The following TRMT11 variants were observed in gnomAD, a reference collection of about 807,000 sequenced individuals.
TRMT11 encodes the protein tRNA (guanine(10)-N(2))-methyltransferase TRMT11.
In TRMT11, 53 loss-of-function variants were observed where a neutral mutation model predicts 62.8. The observed-to-expected ratio is 0.84, with a 90% CI of 0.68 to 1.06. TRMT11 has a LOEUF of 1.06. TRMT11 is among the 50% of genes least tolerant of loss of function. The pLI, the probability that TRMT11 is intolerant of heterozygous loss-of-function variation, is 0.00. For synonymous variants in TRMT11, 188 were observed against 190.3 expected (o/e 0.99, Z 0.10); for missense variants, 556 against 553.4 (o/e 1.00, Z -0.05).
intron 17 of TRMT11, among the ~76,000 whole-genome samples, chr6:126,082,368 T>C (rs1200376717): frequency 3.3e-5 from 5 of 150,288 alleles, no homozygotes; most frequent in African/African-American, 9.9e-5. Context: ...AATACTAATA[T>C]TATATATTAC....
chr6:126,178,391 T>C (rs572544396), intron 1 of TRMT11, among the ~76,000 whole-genome samples: 12 of 152,190 alleles, frequency 7.9e-5, no homozygotes, highest in Non-Finnish European at 1.6e-4. Flanking sequence ...GCCTTGCAGC[T>C]TGCCTTCTTT....
In TRMT11 at chr6:126,077,182, A is replaced by G. The variant is rs536199467; in HGVS notation, c.*1437+23992A>G. On this transcript the variant is annotated intron_variant and NMD_transcript_variant, in intron 17 of 22. Coordinates refer to the TRMT11 transcript ENST00000648977. ...ATTGCAACCTCAGTCCCTAAATCACATGACATTTGTTTACTTTCTTTCCAA... is the reference window on the plus strand; with the variant it reads ...ATTGCAACCTCAGTCCCTAAATCACGTGACATTTGTTTACTTTCTTTCCAA... Among the ~76,000 whole-genome samples, 5 of 152,302 alleles carry G rather than the reference A, an allele frequency of 3.3e-5. No individual in the cohort carries two copies. In the South Asian group the frequency reaches 8.3e-4, roughly 25 times the overall value.
chr6:126,215,752 T>C, the TRMT11 span, among the ~76,000 whole-genome samples: 1 of 152,048 alleles, frequency 6.6e-6, no homozygotes, highest in Admixed American at 6.6e-5. Context: ...GTTGCATTTT[T>C]TTTTGATTTG....
At chr6:126,051,826 T>G (rs546828678) in intron 16 of TRMT11, among the ~76,000 whole-genome samples, 28 of 152,274 alleles carry the variant, frequency 1.8e-4, no homozygotes, top group African/African-American at 6.7e-4. Context: ...AAGAACTGCA[T>G]AGCAGGCTTT....
chr6:126,174,682 CAATTAAGGTT>C, upstream of TRMT11, among the ~76,000 whole-genome samples: 1 of 152,324 alleles, frequency 6.6e-6, no homozygotes, highest in Non-Finnish European at 1.5e-5. Flanking sequence ...CAAAATTCTT[CAATTAAGGTT>C]ATATCTAGTT....
the TRMT11 span, among the ~76,000 whole-genome samples, chr6:126,222,242 G>A: frequency 9.7e-4 from 148 of 152,258 alleles, 1 homozygote; most frequent in Non-Finnish European, 1.6e-3. Context: ...GTTAGGTAAC[G>A]TGATGCCTCC....
chr6:126,143,453 T>C (rs914420276), intron 21 of TRMT11, among the ~76,000 whole-genome samples: 1 of 152,168 alleles, frequency 6.6e-6, no homozygotes, highest in African/African-American at 2.4e-5. Flanking sequence ...CTAATACTTA[T>C]CTAAAAGAAA....
At chr6:126,004,862 A>G (rs1010436549) in intron 7 of TRMT11, among the ~76,000 whole-genome samples, 4 of 152,064 alleles carry the variant, frequency 2.6e-5, no homozygotes, top group Non-Finnish European at 4.4e-5. Context: ...TCATGCCTAA[A>G]TACTTTTCCT....
the TRMT11 span, among the ~76,000 whole-genome samples, chr6:126,240,131 T>A: frequency 6.6e-6 from 1 of 152,320 alleles, no homozygotes; most frequent in East Asian, 1.9e-4. Flanking sequence ...TCAAGGTTTT[T>A]AACTTCTTTG....
At chr6:126,061,540 AT>A (rs5879799) in intron 17 of TRMT11, among the ~76,000 whole-genome samples, 73,643 of 135,422 alleles carry the variant, frequency 0.54, 20,436 homozygotes, top group East Asian at 0.89. Flanking sequence ...GGATCAGTCA[AT>A]TTTTTTTTTT....
intron 1 of TRMT11, among the ~76,000 whole-genome samples, chr6:126,190,943 T>C (rs1373128880): frequency 6.6e-6 from 1 of 152,174 alleles, no homozygotes; most frequent in Non-Finnish European, 1.5e-5. Flanking sequence ...ATTTCCTTTC[T>C]TTTGAATATA....
At chr6:126,106,253 C>T (rs552668009) in intron 17 of TRMT11, among the ~76,000 whole-genome samples, 2 of 152,002 alleles carry the variant, frequency 1.3e-5, no homozygotes, top group African/African-American at 4.8e-5. Flanking sequence ...AAGTGATTCT[C>T]CTGCCTCAGC....
intron 21 of TRMT11, among the ~76,000 whole-genome samples, chr6:126,165,107 T>C (rs1000466588): frequency 6.6e-6 from 1 of 152,012 alleles, no homozygotes; most frequent in African/African-American, 2.4e-5. Context: ...TGAAACCCCG[T>C]CTCTACTAAA....
At chr6:126,223,562 C>T in the TRMT11 span, among the ~76,000 whole-genome samples, 1 of 152,212 alleles carries the variant, frequency 6.6e-6, no homozygotes, top group African/African-American at 2.4e-5. Context: ...TTGTAGGTGA[C>T]CTGTCTTTCT....
chr6:126,094,659 T>G (rs1024686507), intron 17 of TRMT11, among the ~76,000 whole-genome samples: 1 of 152,232 alleles, frequency 6.6e-6, no homozygotes, highest in Non-Finnish European at 1.5e-5. Context: ...AGGCCTGGCC[T>G]GAGTTTGAAT....
chr6:126,230,382 C>G, the TRMT11 span, among the ~76,000 whole-genome samples: 1 of 152,176 alleles, frequency 6.6e-6, no homozygotes, highest in Non-Finnish European at 1.5e-5. Context: ...CTTGGCCACT[C>G]CTGGCTTCCT....
At chr6:126,141,478 T>C (rs1420599546) in intron 21 of TRMT11, among the ~76,000 whole-genome samples, 1 of 152,160 alleles carries the variant, frequency 6.6e-6, no homozygotes, top group Non-Finnish European at 1.5e-5. Flanking sequence ...AGCATGAATA[T>C]ATAGGTTGTA....
intron 8 of TRMT11, chr6:126,009,476 G>A (rs574878186): frequency 6.6e-6 from 1 of 152,074 alleles, no homozygotes; most frequent in Non-Finnish European, 1.5e-5. Flanking sequence ...GAGATTATTT[G>A]TGTTTATGTT....
At chr6:125,998,887 A>T (rs1472026135) in intron 6 of TRMT11, among the ~76,000 whole-genome samples, 2 of 151,758 alleles carry the variant, frequency 1.3e-5, no homozygotes, top group African/African-American at 2.4e-5. Flanking sequence ...GGCTTGTTAG[A>T]TATAGGGAGG....
Sources: allele counts gnomAD v4.1 joint callset (sites outside exome capture counted in the v4.1 genomes callset), GRCh38; gene constraint gnomAD v4.1.1; transcripts MANE v1.5; gene names NCBI Gene and HGNC (gene_info 2026-07-23, HGNC 2026-07-21).